The following PKNOX2 variants were observed in gnomAD, a reference collection of about 807,000 sequenced individuals.
PKNOX2 encodes homeobox protein PKNOX2.
A neutral mutation model predicts 53.1 loss-of-function variants in PKNOX2; 14 were observed. The ratio of observed to expected loss-of-function variants is 0.26; its 90% CI spans 0.17 to 0.41. The LOEUF (loss-of-function observed/expected upper bound fraction) is 0.41, where lower values mean the gene tolerates loss of function less well. PKNOX2 is among the 10% of genes least tolerant of loss of function. The pLI is 1.00. For synonymous variants in PKNOX2, 257 were observed against 242.8 expected (o/e 1.06, Z -0.54); for missense variants, 496 against 602.8 (o/e 0.82, Z 1.85).
chr11:125,169,750 T>A (rs1955145301), intron 1 of PKNOX2, among the ~76,000 whole-genome samples: 1 of 152,198 alleles, frequency 6.6e-6, no homozygotes, highest in South Asian at 2.1e-4. Flanking sequence ...TTCTTCGGTG[T>A]GTTTTCTTTC....
intron 3 of PKNOX2, among the ~76,000 whole-genome samples, chr11:125,351,014 G>C (rs145120173): frequency 6.6e-6 from 1 of 152,186 alleles, no homozygotes; most frequent in South Asian, 2.1e-4. Context: ...CAACAGGCCG[G>C]AGCTGATGCT....
intron 4 of PKNOX2, among the ~76,000 whole-genome samples, chr11:125,365,754 A>G (rs1952156254): frequency 6.6e-6 from 1 of 152,230 alleles, no homozygotes; most frequent in African/African-American, 2.4e-5. Flanking sequence ...GCAATTGTCC[A>G]CCAGGCTGCA....
intron 1 of PKNOX2, among the ~76,000 whole-genome samples, chr11:125,215,950 A>C (rs1487642657): frequency 6.6e-6 from 1 of 152,130 alleles, no homozygotes; most frequent in Non-Finnish European, 1.5e-5. Flanking sequence ...AACATCAGAG[A>C]AGCCAGGGAA....
intron 2 of PKNOX2, among the ~76,000 whole-genome samples, chr11:125,266,023 G>A (rs1417332161): frequency 5.3e-5 from 8 of 152,126 alleles, no homozygotes; most frequent in Non-Finnish European, 1.2e-4. Context: ...TCCATAACTG[G>A]CCAGGTCTCT....
rs569208645 is a variant in PKNOX2 at position 125,351,486 on chromosome 11, C to A, written c.87+94C>A. 59 of 802,932 alleles carry A rather than the reference C, an allele frequency of 7.3e-5. 1 individual carries two copies. In the South Asian group the frequency reaches 9.4e-4, roughly 13 times the overall value. The allele number at this position is 802,932 out of a possible 1,614,324, so 49.7% of individuals were successfully genotyped here. A position where few individuals can be genotyped will look rare whatever the true frequency, so the allele number is the denominator to read the frequency against. On this transcript the variant is annotated intron_variant, in intron 4 of 12. Transcript: ENST00000298282. Reference sequence around the variant, plus strand: ...CAGGCTGGGACATTCCAGGGGCCGACGGGCAGAGCCAGGCCTCCCGCAATC... The same window carrying A: ...CAGGCTGGGACATTCCAGGGGCCGAAGGGCAGAGCCAGGCCTCCCGCAATC...
chr11:125,211,885 C>A (rs1308533467), intron 1 of PKNOX2, among the ~76,000 whole-genome samples: 4 of 151,970 alleles, frequency 2.6e-5, no homozygotes, highest in Non-Finnish European at 5.9e-5. Flanking sequence ...AACAGGCTGC[C>A]CTGCCCTACT....
At chr11:125,309,444 A>G (rs1166672299) in intron 2 of PKNOX2, among the ~76,000 whole-genome samples, 1 of 148,222 alleles carries the variant, frequency 6.7e-6, no homozygotes, top group Non-Finnish European at 1.5e-5. Flanking sequence ...CTTAAGTGCA[A>G]TGGTTCGATC....
At chr11:125,285,030 CACATAGCAGAGAAGGGG>C (rs1016445719) in intron 2 of PKNOX2, among the ~76,000 whole-genome samples, 6 of 152,066 alleles carry the variant, frequency 3.9e-5, no homozygotes, top group Non-Finnish European at 7.4e-5. Context: ...AGCAAGTTGC[CACATAGCAGAGAAGGGG>C]ATCCGGGCTT....
chr11:125,336,097 T>C (rs1258616501), intron 3 of PKNOX2, among the ~76,000 whole-genome samples: 5 of 152,258 alleles, frequency 3.3e-5, no homozygotes, highest in Non-Finnish European at 7.3e-5. Flanking sequence ...TACTTTTAAC[T>C]GCTGCATAGT....
At chr11:125,289,656 A>T (rs185189108) in intron 2 of PKNOX2, among the ~76,000 whole-genome samples, 170 of 152,294 alleles carry the variant, frequency 1.1e-3, no homozygotes, top group African/African-American at 3.8e-3. Context: ...ATGGAGGAAG[A>T]GATCACTCCT....
intron 9 of PKNOX2, 23 bp from the exon 10 acceptor site, chr11:125,411,723 T>C: frequency 1.2e-6 from 2 of 1,613,836 alleles, no homozygotes; most frequent in Non-Finnish European, 1.7e-6. Context: ...CTGATGCTGA[T>C]TTTCTCTCCA....
At chr11:125,247,537 G>A (rs1943653311) in intron 2 of PKNOX2, among the ~76,000 whole-genome samples, 1 of 152,212 alleles carries the variant, frequency 6.6e-6, no homozygotes, top group South Asian at 2.1e-4. Context: ...CACAGCAGCA[G>A]AGAATGCTGG....
chr11:125,206,305 C>G (rs1223050221), intron 1 of PKNOX2, among the ~76,000 whole-genome samples: 1 of 151,924 alleles, frequency 6.6e-6, no homozygotes, highest in African/African-American at 2.4e-5. Flanking sequence ...GCCCTGGTGC[C>G]GTCTAACCTG....
chr11:125,415,770 C>T (rs1456357612), intron 10 of PKNOX2, among the ~76,000 whole-genome samples: 1 of 152,100 alleles, frequency 6.6e-6, no homozygotes. Context: ...CCTAAATATG[C>T]CATCGATGTT....
chr11:125,297,541 T>C (rs1565490612), intron 2 of PKNOX2, among the ~76,000 whole-genome samples: 1 of 152,000 alleles, frequency 6.6e-6, no homozygotes, highest in African/African-American at 2.4e-5. Context: ...CTGGAGGAGG[T>C]GACATTTGCG....
chr11:125,322,841 G>A (rs750930437), intron 2 of PKNOX2, among the ~76,000 whole-genome samples: 1 of 152,188 alleles, frequency 6.6e-6, no homozygotes, highest in African/African-American at 2.4e-5. Flanking sequence ...TGCTTATTCT[G>A]TCTGTAAAAT....
intron 2 of PKNOX2, among the ~76,000 whole-genome samples, chr11:125,273,706 G>A (rs148390311): frequency 4.6e-5 from 7 of 152,356 alleles, no homozygotes; most frequent in Non-Finnish European, 7.3e-5. Context: ...CCCCATGTTT[G>A]TGAGTACAGT....
chr11:125,362,095 G>A (rs1017044668), intron 4 of PKNOX2, among the ~76,000 whole-genome samples: 3 of 152,126 alleles, frequency 2.0e-5, no homozygotes, highest in Non-Finnish European at 2.9e-5. Context: ...CAGTGAGGAC[G>A]GGGTGGACTA....
chr11:125,360,697 A>G (rs1191555230), intron 4 of PKNOX2, among the ~76,000 whole-genome samples: 2 of 152,210 alleles, frequency 1.3e-5, no homozygotes, highest in African/African-American at 2.4e-5. Context: ...GGCAGCCCAC[A>G]TGAGAGAAAC....
Sources: allele counts gnomAD v4.1 joint callset (sites outside exome capture counted in the v4.1 genomes callset), GRCh38; gene constraint gnomAD v4.1.1; transcripts MANE v1.5; gene names NCBI Gene and HGNC (gene_info 2026-07-23, HGNC 2026-07-21).